ASTN1: variants seen among roughly 807,000 people sequenced by gnomAD.
ASTN1 encodes astrotactin-1.
Under a neutral mutation model 140.7 loss-of-function variants are expected in ASTN1, and 41 were observed. The observed-to-expected ratio is 0.29, with a 90% confidence interval of 0.23 to 0.38. The LOEUF is 0.38. Among genes scored for constraint, ASTN1 ranks in the 10% least tolerant of loss-of-function variants. ASTN1 has a pLI of 1.00. For missense variants in ASTN1, 1,479 were observed against 1,678.8 expected, an observed-to-expected ratio of 0.88 and a Z score of 2.08; for synonymous variants, 640 against 652.2, an observed-to-expected ratio of 0.98 and a Z score of 0.29.
intron 1 of ASTN1, among the ~76,000 whole-genome samples, chr1:177,158,095 G>C (rs1683314678): frequency 6.6e-6 from 1 of 152,100 alleles, no homozygotes; most frequent in Admixed American, 6.6e-5. Flanking sequence ...GCTAGAAGTG[G>C]AACTGCAAAA....
intron 1 of ASTN1, among the ~76,000 whole-genome samples, chr1:177,072,528 G>A (rs965577556): frequency 2.0e-5 from 3 of 152,198 alleles, no homozygotes; most frequent in Non-Finnish European, 4.4e-5. Context: ...TCTAATCCCT[G>A]CTGGGAGAAT....
In ASTN1 at chr1:176,868,975, C is replaced by T. The variant is rs750205045; in HGVS notation, c.3516G>A (p.Glu1172=). ...NLFNGYTSGK[E]QQTAYNTLLD... ...GGAGGGTGTTGTAGGCGGTCTGCTG[C>T]TCCTTCCCACTAGTGTAGCCATTGA... The change falls in exon 22 of 23, where the codon GAG becomes GAA. Residue 1172 remains glutamate, a synonymous_variant. Coordinates refer to ENST00000361833, the MANE Select transcript of ASTN1 (RefSeq NM_004319.3). 2 of 1,611,974 alleles carry T rather than the reference C, an allele frequency of 1.2e-6. No individual in the cohort carries two copies. Among genetic ancestry groups the T allele is most frequent in the Non-Finnish European group, 1.7e-6 (2 of 1,178,684 alleles).
chr1:176,948,695 G>A (rs1672058194), intron 12 of ASTN1, among the ~76,000 whole-genome samples: 1 of 152,176 alleles, frequency 6.6e-6, no homozygotes, highest in South Asian at 2.1e-4. Flanking sequence ...TGTGCCTCAG[G>A]AGGAGTGGCT....
chr1:177,117,077 C>T (rs1275809908), intron 1 of ASTN1, among the ~76,000 whole-genome samples: 1 of 152,122 alleles, frequency 6.6e-6, no homozygotes, highest in Non-Finnish European at 1.5e-5. Flanking sequence ...TAAGATTCAG[C>T]CAGTCTAGAA....
chr1:177,163,584 T>C (rs1647516393), intron 1 of ASTN1, among the ~76,000 whole-genome samples: 1 of 152,094 alleles, frequency 6.6e-6, no homozygotes, highest in Non-Finnish European at 1.5e-5. Flanking sequence ...AAGAGAGAGA[T>C]GTAAACAAAC....
chr1:177,032,891 G>T (rs1034373797), intron 2 of ASTN1, 42 bp from the exon 3 acceptor site: 3 of 1,528,420 alleles, frequency 2.0e-6, no homozygotes, highest in Non-Finnish European at 2.6e-6. Flanking sequence ...AAGATGGGTA[G>T]GCTCTTCCCA....
chr1:176,862,271 T>C lies in ASTN1; in HGVS notation c.*2013A>G, dbSNP rs1667994286. On this transcript the variant is annotated 3_prime_UTR_variant, in exon 23 of 23. Coordinates refer to ENST00000361833, the MANE Select transcript of ASTN1 (RefSeq NM_004319.3). ...AGAGAGTTTGAAATAAATCCTTCAGTGTTTGGAAAGAAGGAGAGAGGAGAG... is the reference window on the plus strand; with the variant it reads ...AGAGAGTTTGAAATAAATCCTTCAGCGTTTGGAAAGAAGGAGAGAGGAGAG... 2 of 985,254 alleles carry C rather than the reference T, an allele frequency of 2.0e-6. No homozygotes were observed. The highest frequency in any genetic ancestry group is 2.4e-6 in the Non-Finnish European group (2 of 829,936). 61.0% of individuals were successfully genotyped at this position (985,254 alleles called of 1,614,324 possible).
intron 8 of ASTN1, among the ~76,000 whole-genome samples, chr1:176,982,110 G>A (rs1467742831): frequency 2.0e-5 from 3 of 152,220 alleles, no homozygotes; most frequent in Admixed American, 6.5e-5. Flanking sequence ...AAAGCTTCCA[G>A]CTGCAGAATA....
At chr1:177,095,981 A>G (rs527552988) in intron 1 of ASTN1, among the ~76,000 whole-genome samples, 1 of 152,354 alleles carries the variant, frequency 6.6e-6, no homozygotes, top group South Asian at 2.1e-4. Context: ...ATCAAGTCAG[A>G]AAAGACTATT....
chr1:176,858,395 G>A (rs1667873580), downstream of ASTN1, among the ~76,000 whole-genome samples: 1 of 152,106 alleles, frequency 6.6e-6, no homozygotes, highest in African/African-American at 2.4e-5. Flanking sequence ...GTGGGAGCAG[G>A]GTTAGGAGGC....
intron 7 of ASTN1, among the ~76,000 whole-genome samples, chr1:177,015,710 G>A (rs1257708461): frequency 6.6e-6 from 1 of 151,828 alleles, no homozygotes; most frequent in Non-Finnish European, 1.5e-5. Flanking sequence ...TTTTTTTGAG[G>A]CAGGGTCCCA....
chr1:176,888,959 T>C (rs1351605370), intron 17 of ASTN1, among the ~76,000 whole-genome samples: 1 of 152,196 alleles, frequency 6.6e-6, no homozygotes, highest in Non-Finnish European at 1.5e-5. Flanking sequence ...CCAAATGAAA[T>C]AATGTATGCA....
chr1:176,876,912 G>A (rs181844500), intron 20 of ASTN1, among the ~76,000 whole-genome samples: 8 of 152,220 alleles, frequency 5.3e-5, no homozygotes, highest in East Asian at 3.9e-4. Context: ...TCTCAAAGTC[G>A]GGCCCCCAGA....
At chr1:176,978,602 T>G (rs181761494) in intron 8 of ASTN1, among the ~76,000 whole-genome samples, 2 of 152,284 alleles carry the variant, frequency 1.3e-5, no homozygotes, top group Admixed American at 1.3e-4. Flanking sequence ...AAACAAGTAG[T>G]TCCAGAGGAT....
intron 8 of ASTN1, among the ~76,000 whole-genome samples, chr1:177,008,635 G>A (rs1221891403): frequency 2.6e-5 from 4 of 151,350 alleles, no homozygotes; most frequent in Non-Finnish European, 5.9e-5. Context: ...GAAGAAGGAG[G>A]AGGAGGAAGA....
chr1:176,865,155 A>G (rs1668088124), intron 22 of ASTN1, among the ~76,000 whole-genome samples: 1 of 152,180 alleles, frequency 6.6e-6, no homozygotes, highest in South Asian at 2.1e-4. Context: ...CTCCCTCAGA[A>G]AGTCAGGAGG....
intron 1 of ASTN1, among the ~76,000 whole-genome samples, chr1:177,118,929 A>T (rs958224892): frequency 3.3e-5 from 5 of 152,150 alleles, no homozygotes; most frequent in African/African-American, 1.2e-4. Context: ...AACAAAAATC[A>T]TAATTTGATT....
intron 22 of ASTN1, among the ~76,000 whole-genome samples, chr1:176,867,885 G>A (rs1201938127): frequency 6.6e-6 from 1 of 152,070 alleles, no homozygotes; most frequent in African/African-American, 2.4e-5. Flanking sequence ...AATTCTTTAA[G>A]GGACAGAGGA....
At chr1:177,076,455 C>A (rs1442680781) in intron 1 of ASTN1, among the ~76,000 whole-genome samples, 12 of 151,572 alleles carry the variant, frequency 7.9e-5, no homozygotes, top group African/African-American at 2.7e-4. Context: ...AAGGGCCAGT[C>A]ATTTGAGGAA....
Sources: allele counts gnomAD v4.1 joint callset (sites outside exome capture counted in the v4.1 genomes callset), GRCh38; gene constraint gnomAD v4.1.1; transcripts MANE v1.5; gene names NCBI Gene and HGNC (gene_info 2026-07-23, HGNC 2026-07-21).